Variants in WDR43 observed in about 807,000 individuals in gnomAD.
The protein encoded by WDR43 is WD repeat-containing protein 43.
A neutral mutation model predicts 91.4 loss-of-function variants in WDR43; 13 were observed. The ratio of observed to expected loss-of-function variants is 0.14; its 90% CI spans 0.09 to 0.23. WDR43 has a LOEUF of 0.23. Among genes scored for constraint, WDR43 ranks in the 10% least tolerant of loss-of-function variants. The pLI, the probability that WDR43 is intolerant of heterozygous loss-of-function variation, is 1.00. For synonymous variants in WDR43, 331 were observed against 287.9 expected (o/e 1.15, Z -1.51); for missense variants, 780 against 809.4 (o/e 0.96, Z 0.44).
At chr2:28,945,573 A>G (rs1671530202) in intron 16 of WDR43, among the ~76,000 whole-genome samples, 1 of 152,170 alleles carries the variant, frequency 6.6e-6, no homozygotes, top group South Asian at 2.1e-4. Flanking sequence ...CCTCTAAGCT[A>G]CAGTTCCTTT....
At chr2:28,933,645 T>TG (rs1671288469) in intron 11 of WDR43, among the ~76,000 whole-genome samples, 1 of 152,178 alleles carries the variant, frequency 6.6e-6, no homozygotes, top group African/African-American at 2.4e-5. Flanking sequence ...ACAAAGGATT[T>TG]GTATCTGGAC....
At chr2:28,903,922 A>G (rs915380596) in intron 2 of WDR43, among the ~76,000 whole-genome samples, 5 of 152,122 alleles carry the variant, frequency 3.3e-5, no homozygotes, top group African/African-American at 9.7e-5. Context: ...TTCGTGCCTC[A>G]GCCTCCTGAG....
chr2:28,938,372 T>C lies in WDR43; in HGVS notation c.1620+378T>C, dbSNP rs1671373408. 1.3e-5 allele frequency among the ~76,000 whole-genome samples: 2 copies of C among 152,152 alleles called. 1 individual carries two copies. Among genetic ancestry groups the C allele is most frequent in the South Asian group, 4.1e-4 (2 of 4,826 alleles). On this transcript the variant is annotated intron_variant, in intron 14 of 17. Transcript: ENST00000407426. ...TCTGTCCTGCCTTGTCCCAGGAGGATAAAATGTAGTTAATGGTAACAGTAA... is the reference window on the plus strand; with the variant it reads ...TCTGTCCTGCCTTGTCCCAGGAGGACAAAATGTAGTTAATGGTAACAGTAA...
At chr2:28,914,882 TC>T (rs1670876555) in intron 5 of WDR43, among the ~76,000 whole-genome samples, 1 of 152,044 alleles carries the variant, frequency 6.6e-6, no homozygotes. Context: ...TGAGCCGAGA[TC>T]CCGCCACTGC....
At chr2:28,911,386 C>G (rs1238345252) in intron 3 of WDR43, among the ~76,000 whole-genome samples, 1 of 151,530 alleles carries the variant, frequency 6.6e-6, no homozygotes, top group Non-Finnish European at 1.5e-5. Flanking sequence ...CTCCGCCTCC[C>G]AGGTTCACGC....
chr2:28,922,294 A>G (rs1671045394), intron 6 of WDR43, among the ~76,000 whole-genome samples: 1 of 152,198 alleles, frequency 6.6e-6, no homozygotes, highest in African/African-American at 2.4e-5. Flanking sequence ...TAGAGTAGGA[A>G]TAGCAGTGTT....
At chr2:28,935,393 T>G in intron 11 of WDR43, 128 bp from the exon 12 acceptor site, 1 of 589,652 alleles carries the variant, frequency 1.7e-6, no homozygotes, top group South Asian at 2.4e-5. Context: ...TTTTGCTAAA[T>G]TCAGTTTGTA....
At chr2:28,898,016 T>C (rs887788147) in intron 1 of WDR43, among the ~76,000 whole-genome samples, 1 of 152,226 alleles carries the variant, frequency 6.6e-6, no homozygotes, top group African/African-American at 2.4e-5. Flanking sequence ...AGTTTATGTG[T>C]GTAAACTGAG....
chr2:28,925,068 C>T lies in WDR43; in HGVS notation c.1001C>T (p.Pro334Leu), dbSNP rs758679044. The part of the protein sequence containing the change: ...KGKKSTPKPI[P>L]ILAAGFCSDK... Reference sequence around the variant, plus strand: ...AAGAAGTCAACACCAAAACCCATCCCTATTCTAGCTGCTGGTTTTTGCTCA... The same window carrying T: ...AAGAAGTCAACACCAAAACCCATCCTTATTCTAGCTGCTGGTTTTTGCTCA... Residue 334 changes from proline to leucine, a missense_variant, in exon 8 of 18, where the codon CCT (proline) becomes CTT (leucine). Around this residue, in one of 4 missense-constraint regions of WDR43, gnomAD observed 426 missense variants for 467.8 expected, o/e 0.91. Coordinates refer to ENST00000407426, the MANE Select transcript of WDR43 (RefSeq NM_015131.3). 1.2e-6 allele frequency: 2 copies of T among 1,613,990 alleles called. No individual in the cohort carries two copies. Among genetic ancestry groups the T allele is most frequent in the South Asian group, 2.2e-5 (2 of 91,078 alleles).
chr2:28,940,376 C>T (rs1443124180), intron 14 of WDR43, among the ~76,000 whole-genome samples: 1 of 151,906 alleles, frequency 6.6e-6, no homozygotes, highest in Admixed American at 6.6e-5. Flanking sequence ...ATTACAGGCA[C>T]ATGCCACCAT....
chr2:28,900,968 T>C (rs1670569289), intron 1 of WDR43, among the ~76,000 whole-genome samples: 1 of 152,218 alleles, frequency 6.6e-6, no homozygotes. Flanking sequence ...TCCCTGACAC[T>C]CTTTATGCAC....
chr2:28,926,643 T>G (rs1374507743), intron 9 of WDR43, 89 bp downstream of exon 9: 1 of 1,098,296 alleles, frequency 9.1e-7, no homozygotes, highest in Non-Finnish European at 1.3e-6. Context: ...TTAAACTGAG[T>G]TTTTTATTCT....
intron 6 of WDR43, among the ~76,000 whole-genome samples, chr2:28,921,732 G>A (rs1428934397): frequency 6.6e-6 from 1 of 151,616 alleles, no homozygotes; most frequent in Non-Finnish European, 1.5e-5. Flanking sequence ...TCTTTTTTGA[G>A]ATGGGGTTTC....
At chr2:28,922,489 G>T (rs942178678) in intron 6 of WDR43, among the ~76,000 whole-genome samples, 1 of 152,112 alleles carries the variant, frequency 6.6e-6, no homozygotes, top group Non-Finnish European at 1.5e-5. Context: ...TAGGTGGTAG[G>T]GGCATCTCCA....
At chr2:28,943,448 A>G (rs187652226) in intron 16 of WDR43, among the ~76,000 whole-genome samples, 2 of 152,168 alleles carry the variant, frequency 1.3e-5, no homozygotes, top group Non-Finnish European at 1.5e-5. Context: ...CCTTTTTGTC[A>G]TGTACTGGCA....
chr2:28,912,805 A>C (rs1405281376), intron 4 of WDR43, 95 bp downstream of exon 4: 11 of 1,464,310 alleles, frequency 7.5e-6, no homozygotes, highest in Non-Finnish European at 1.0e-5. Flanking sequence ...TTAAGAATAC[A>C]AATTCTTCAT....
In WDR43 at chr2:28,947,177, C is replaced by T. The variant is rs912956384; in HGVS notation, c.*398C>T. The T allele has an allele frequency of 6.5e-6, 1 of 153,848 alleles. No individual in the cohort carries two copies. The highest frequency in any genetic ancestry group is 1.4e-5 in the Non-Finnish European group (1 of 69,324). The allele number at this position is 153,848 out of a possible 1,614,324, so 9.5% of individuals were successfully genotyped here. On this transcript the variant is annotated 3_prime_UTR_variant, in exon 18 of 18. Transcript: ENST00000407426. ...CTTATCTCAGGTTGGTATCTTTCAT[C>T]AAATCCAGATGCAAAGCAGCACTAG...
chr2:28,941,512 A>C lies in WDR43; in HGVS notation c.1672A>C (p.Arg558=). 6.2e-7 allele frequency: 1 copy of C among 1,613,780 alleles called. No individual in the cohort carries two copies. The highest frequency in any genetic ancestry group is 8.5e-7 in the Non-Finnish European group (1 of 1,179,810). ...LGTLYQLMES[R]VKTFQKLSHL... ...GACACTCTACCAGTTAATGGAAAGC[A>C]GAGTCAAAACTTTTCAGAAACTTTC... The change falls in exon 15 of 18, where the codon AGA becomes CGA. Residue 558 remains arginine, a synonymous_variant. Coordinates refer to ENST00000407426, the MANE Select transcript of WDR43 (RefSeq NM_015131.3).
chr2:28,940,614 GT>G (rs1671417905), intron 14 of WDR43, among the ~76,000 whole-genome samples: 1 of 152,204 alleles, frequency 6.6e-6, no homozygotes, highest in African/African-American at 2.4e-5. Flanking sequence ...GAAGAGGCTT[GT>G]TCTGGACTTC....
Sources: allele counts gnomAD v4.1 joint callset (sites outside exome capture counted in the v4.1 genomes callset), GRCh38; gene constraint gnomAD v4.1.1; regional missense constraint gnomAD v4.1.1; transcripts MANE v1.5; gene names NCBI Gene and HGNC (gene_info 2026-07-23, HGNC 2026-07-21).